Variants in GRP observed in about 807,000 individuals in gnomAD.
GRP encodes gastrin-releasing peptide.
GRP carries 11 observed loss-of-function variants against 12.7 expected under a neutral mutation model. The observed-to-expected ratio is 0.87, with a 90% confidence interval of 0.55 to 1.44. The LOEUF (loss-of-function observed/expected upper bound fraction) is 1.44. GRP is among the 40% of genes most tolerant of loss of function. The probability of loss-of-function intolerance (pLI) is 0.00; values close to 1 mark genes in which losing one functional copy is unlikely to be tolerated. For missense variants in GRP, 212 were observed against 185.4 expected (o/e 1.14, Z -0.83); for synonymous variants, 84 against 77.7 (o/e 1.08, Z -0.43).
upstream of GRP, among the ~76,000 whole-genome samples, chr18:59,219,845 A>C (rs1315278087): frequency 6.6e-6 from 1 of 151,828 alleles, no homozygotes; most frequent in Non-Finnish European, 1.5e-5. Flanking sequence ...CTCTCAAGGC[A>C]GCTAAGGCTG....
intron 2 of GRP, among the ~76,000 whole-genome samples, chr18:59,227,099 CTT>C (rs1425814976): frequency 8.3e-6 from 1 of 120,270 alleles, no homozygotes; most frequent in Non-Finnish European, 1.8e-5. Context: ...CTCTCTCTCT[CTT>C]TTTTTTTTTG....
Position 59,225,636 on chromosome 18 carries a change from A to G in GRP, c.284A>G (p.Asn95Ser). 6.2e-7 allele frequency: 1 copy of G among 1,614,128 alleles called. No individual in the cohort carries two copies. Among genetic ancestry groups the G allele is most frequent in the Non-Finnish European group, 8.5e-7 (1 of 1,180,008 alleles). The change falls in exon 2 of 3, where the codon AAC becomes AGC. Residue 95 changes from asparagine to serine, a missense_variant. Physicochemically the swap from Asn to Ser is conservative, Grantham distance 46. Coordinates refer to ENST00000256857, the MANE Select transcript of GRP (RefSeq NM_002091.5). ...CTCATAGAAGCAAAGGAGAACAGAA[A>G]CCACCAGCCACCTCAACCCAAGGCC... Reference protein sequence around the residue: ...LGLIEAKENRNHQPPQPKALG... With the variant: ...LGLIEAKENRSHQPPQPKALG...
chr18:59,219,577 G>T, upstream of GRP, among the ~76,000 whole-genome samples: 1 of 144,454 alleles, frequency 6.9e-6, no homozygotes. Context: ...GGGAGAGGAG[G>T]GGAGGAGATC....
intron 1 of GRP, among the ~76,000 whole-genome samples, chr18:59,224,066 AT>A (rs61333052): frequency 0.04 from 6,165 of 152,312 alleles, 205 homozygotes; most frequent in African/African-American, 0.085. Flanking sequence ...TTTTTATAAC[AT>A]TAGAAAGCCT....
At chr18:59,223,218 G>A (rs985233152) in intron 1 of GRP, among the ~76,000 whole-genome samples, 3 of 152,240 alleles carry the variant, frequency 2.0e-5, no homozygotes, top group African/African-American at 4.8e-5. Flanking sequence ...CTATGGTGAG[G>A]TTTCCATTAT....
At chr18:59,227,189 A>T (rs1194723647) in intron 2 of GRP, among the ~76,000 whole-genome samples, 3 of 151,128 alleles carry the variant, frequency 2.0e-5, no homozygotes, top group African/African-American at 7.3e-5. Flanking sequence ...GGCCTCCCAA[A>T]TGTGGGTTTC....
chr18:59,221,268 C>A (rs1180453466), intron 1 of GRP, among the ~76,000 whole-genome samples: 2 of 152,250 alleles, frequency 1.3e-5, no homozygotes, highest in African/African-American at 4.8e-5. Context: ...GCCCCTAGAA[C>A]CCAGGCGGAG....
intron 1 of GRP, among the ~76,000 whole-genome samples, chr18:59,223,263 A>C (rs2069864058): frequency 6.6e-6 from 1 of 152,076 alleles, no homozygotes; most frequent in African/African-American, 2.4e-5. Flanking sequence ...ATGTTGGGAG[A>C]AGAGGTGGAA....
intron 1 of GRP, 67 bp from the exon 2 acceptor site, chr18:59,225,425 A>C: frequency 6.8e-7 from 1 of 1,465,922 alleles, no homozygotes; most frequent in Admixed American, 2.1e-5. Flanking sequence ...ATTTCTTTTA[A>C]ATTTCTCATT....
intron 1 of GRP, among the ~76,000 whole-genome samples, chr18:59,223,961 A>G (rs2069874667): frequency 6.6e-6 from 1 of 152,216 alleles, no homozygotes; most frequent in South Asian, 2.1e-4. Flanking sequence ...TCACACTGCA[A>G]TGCAGTAAAC....
chr18:59,222,223 A>C (rs1387059058), intron 1 of GRP, among the ~76,000 whole-genome samples: 2 of 152,154 alleles, frequency 1.3e-5, no homozygotes, highest in African/African-American at 2.4e-5. Flanking sequence ...TTAACTGGGG[A>C]GTGGCATCGT....
chr18:59,230,171 A>G (rs1382654933), intron 2 of GRP, among the ~76,000 whole-genome samples: 1 of 152,164 alleles, frequency 6.6e-6, no homozygotes, highest in Non-Finnish European at 1.5e-5. Context: ...CTCCTGGGGG[A>G]CAGCTCTGGT....
At chr18:59,225,109 A>G (rs541293162) in intron 1 of GRP, among the ~76,000 whole-genome samples, 4 of 152,336 alleles carry the variant, frequency 2.6e-5, no homozygotes, top group African/African-American at 9.6e-5. Context: ...TGGTGCACAC[A>G]GAATTGATGA....
intron 1 of GRP, among the ~76,000 whole-genome samples, chr18:59,222,834 T>C (rs2069857253): frequency 6.6e-6 from 1 of 152,222 alleles, no homozygotes; most frequent in Non-Finnish European, 1.5e-5. Context: ...TGGCTTGATG[T>C]TCGTGGAAAT....
chr18:59,222,131 T>G (rs2069845341), intron 1 of GRP, among the ~76,000 whole-genome samples: 1 of 152,192 alleles, frequency 6.6e-6, no homozygotes, highest in Non-Finnish European at 1.5e-5. Context: ...GGATTCCCAA[T>G]CTCTTTGTAC....
chr18:59,227,927 G>A (rs900357182), intron 2 of GRP, among the ~76,000 whole-genome samples: 1 of 152,150 alleles, frequency 6.6e-6, no homozygotes, highest in Non-Finnish European at 1.5e-5. Context: ...GAGAGTGACT[G>A]CTTAAAGGGG....
At chr18:59,227,001 CTTTCTTTCTTT>C (rs1395063593) in intron 2 of GRP, among the ~76,000 whole-genome samples, 11 of 66,184 alleles carry the variant, frequency 1.7e-4, no homozygotes, top group Non-Finnish European at 3.0e-4. Context: ...TCCTTTCTTT[CTTTCTTTCTTT>C]CTTTCTTTCT....
chr18:59,224,360 G>T (rs909746027), intron 1 of GRP, among the ~76,000 whole-genome samples: 2 of 152,220 alleles, frequency 1.3e-5, no homozygotes, highest in African/African-American at 4.8e-5. Flanking sequence ...GGGCTTCTCT[G>T]TTGGTGGATA....
chr18:59,226,777 T>C (rs557629677), intron 2 of GRP, among the ~76,000 whole-genome samples: 1 of 152,338 alleles, frequency 6.6e-6, no homozygotes, highest in South Asian at 2.1e-4. Flanking sequence ...CCACTCACAG[T>C]ACTGGAGAGC....
Sources: allele counts gnomAD v4.1 joint callset (sites outside exome capture counted in the v4.1 genomes callset), GRCh38; gene constraint gnomAD v4.1.1; transcripts MANE v1.5; gene names NCBI Gene and HGNC (gene_info 2026-07-23, HGNC 2026-07-21).